The following CMC2 variants were observed in gnomAD, a reference collection of about 807,000 sequenced individuals.
The protein encoded by CMC2 is C-X9-C motif containing 2.
A neutral mutation model predicts 7.5 loss-of-function variants in CMC2; 5 were observed. That is an observed-to-expected ratio of 0.66 (90% CI 0.35 to 1.40). The LOEUF (loss-of-function observed/expected upper bound fraction) is 1.40, where lower values mean the gene tolerates loss of function less well. Ranked by LOEUF, CMC2 falls within the 40% of genes most tolerant of loss-of-function variation. The pLI, the probability that CMC2 is intolerant of heterozygous loss-of-function variation, is 0.04. For missense variants in CMC2, 115 were observed against 92.3 expected (o/e 1.25, Z -1.01); for synonymous variants, 37 against 31.4 (o/e 1.18, Z -0.60).
chr16:80,975,040 G>C lies in CMC2; in HGVS notation c.*1053C>G, dbSNP rs1272626164. ...GAGTCTGTTCCCTGACACCTGACAA[G>C]ATCAAGCCCCTGCTGTGACTGCAGC... On this transcript the variant is annotated 3_prime_UTR_variant, in exon 4 of 4. Coordinates refer to ENST00000219400, the MANE Select transcript of CMC2 (RefSeq NM_020188.5). 6.6e-6 allele frequency: 1 copy of C among 152,266 alleles called. No individual in the cohort carries two copies. Among genetic ancestry groups the C allele is most frequent in the African/African-American group, 2.4e-5 (1 of 41,450 alleles). The allele number at this position is 152,266 out of a possible 1,614,324, so 9.4% of individuals were successfully genotyped here. A position where few individuals can be genotyped will look rare whatever the true frequency, so the allele number is the denominator to read the frequency against.
intron 1 of CMC2, among the ~76,000 whole-genome samples, chr16:81,006,089 G>A (rs748001524): frequency 1.4e-4 from 21 of 152,230 alleles, no homozygotes; most frequent in South Asian, 1.0e-3. Flanking sequence ...ATGCCTTTGA[G>A]GTTTTAAATG....
intron 2 of CMC2, chr16:80,988,665 C>T: frequency 1.4e-6 from 1 of 690,902 alleles, no homozygotes; most frequent in Non-Finnish European, 2.6e-6. Context: ...AACATTAACA[C>T]TAGTATCTAA....
intron 1 of CMC2, among the ~76,000 whole-genome samples, chr16:80,999,719 G>A (rs564485804): frequency 6.6e-6 from 1 of 152,106 alleles, no homozygotes; most frequent in Non-Finnish European, 1.5e-5. Context: ...CACACACATG[G>A]ACCAATGGAA....
rs1912156750 is a variant in CMC2, at chr16:80,974,746, T to C, written c.*1347A>G. 6.6e-6 allele frequency: 1 copy of C among 152,218 alleles called. No individual in the cohort carries two copies. The highest frequency in any genetic ancestry group is 1.5e-5 in the Non-Finnish European group (1 of 68,040). The allele number at this position is 152,218 out of a possible 1,614,324, so 9.4% of individuals were successfully genotyped here. The stretch of plus-strand genomic sequence containing the variant: ...TAACTACAAGATTCTAAAGGCAAAA[T>C]GTCTCATTTCTGTATTTCTACTGCC... On this transcript the variant is annotated 3_prime_UTR_variant, in exon 4 of 4. Transcript: ENST00000219400.
rs1298907500 is a variant in CMC2 at position 80,974,806 on chromosome 16, T to A, written c.*1287A>T. On this transcript the variant is annotated 3_prime_UTR_variant, in exon 4 of 4. Coordinates refer to ENST00000219400, the MANE Select transcript of CMC2 (RefSeq NM_020188.5). The stretch of plus-strand genomic sequence containing the variant: ...GGGGACTGAATAAATATTCATACAC[T>A]TTGTCTTGGAAGGTACTTCAGAATT... 1.3e-5 allele frequency: 2 copies of A among 152,242 alleles called. No individual in the cohort carries two copies. Among genetic ancestry groups the A allele is most frequent in the Non-Finnish European group, 2.9e-5 (2 of 68,046 alleles). The allele number at this position is 152,242 out of a possible 1,614,324, so 9.4% of individuals were successfully genotyped here. A position where few individuals can be genotyped will look rare whatever the true frequency, so the allele number is the denominator to read the frequency against.
intron 2 of CMC2, among the ~76,000 whole-genome samples, chr16:80,995,643 T>G (rs941636331): frequency 2.8e-4 from 43 of 152,124 alleles, no homozygotes; most frequent in Admixed American, 1.2e-3. Flanking sequence ...GGTGACAGAG[T>G]GAGACTCCAT....
At chr16:81,002,156 G>A (rs558944913) in intron 1 of CMC2, among the ~76,000 whole-genome samples, 1 of 152,272 alleles carries the variant, frequency 6.6e-6, no homozygotes, top group South Asian at 2.1e-4. Flanking sequence ...CAGATGCGGT[G>A]GCTCACACCT....
intron 1 of CMC2, among the ~76,000 whole-genome samples, chr16:81,001,781 A>G (rs1259359722): frequency 6.6e-6 from 1 of 152,208 alleles, no homozygotes; most frequent in African/African-American, 2.4e-5. Flanking sequence ...TAGCATAGCT[A>G]CTATTTCAAT....
intron 2 of CMC2, chr16:80,992,066 C>T: frequency 2.6e-6 from 1 of 389,734 alleles, no homozygotes; most frequent in Non-Finnish European, 5.2e-6. Flanking sequence ...CTGTAACAAA[C>T]ACCTTATCAA....
chr16:81,005,740 G>C (rs1469235179), intron 1 of CMC2, among the ~76,000 whole-genome samples: 1 of 152,200 alleles, frequency 6.6e-6, no homozygotes, highest in Admixed American at 6.5e-5. Flanking sequence ...CTCAGAGAAT[G>C]CGCCCTCGCA....
chr16:80,974,814 G>C lies in CMC2; in HGVS notation c.*1279C>G, dbSNP rs1354901930. 2 of 152,166 alleles carry C rather than the reference G, an allele frequency of 1.3e-5. No individual in the cohort carries two copies. Among genetic ancestry groups the C allele is most frequent in the Non-Finnish European group, 2.9e-5 (2 of 68,038 alleles). 9.4% of individuals were successfully genotyped at this position (152,166 alleles called of 1,614,324 possible). ...AATAAATATTCATACACTTTGTCTT[G>C]GAAGGTACTTCAGAATTAATTCTGG... On this transcript the variant is annotated 3_prime_UTR_variant, in exon 4 of 4. Transcript: ENST00000219400.
intron 3 of CMC2, chr16:80,980,825 T>A: frequency 1.4e-6 from 1 of 700,136 alleles, no homozygotes; most frequent in Non-Finnish European, 2.6e-6. Context: ...AGTTTGAGGC[T>A]TCCGTGAGTT....
intron 1 of CMC2, among the ~76,000 whole-genome samples, chr16:81,004,353 GAAT>G (rs1372283403): frequency 6.6e-6 from 1 of 152,234 alleles, no homozygotes; most frequent in African/African-American, 2.4e-5. Flanking sequence ...TATTTGAATA[GAAT>G]AATATTTAAT....
intron 2 of CMC2, among the ~76,000 whole-genome samples, chr16:80,994,200 A>C (rs1324998918): frequency 6.6e-6 from 1 of 152,208 alleles, no homozygotes; most frequent in East Asian, 1.9e-4. Flanking sequence ...AATTAACTTG[A>C]AATCTCAGAT....
intron 2 of CMC2, among the ~76,000 whole-genome samples, chr16:80,982,162 G>C (rs1480769041): frequency 6.6e-6 from 1 of 152,014 alleles, no homozygotes; most frequent in East Asian, 1.9e-4. Context: ...CCATAGCCTA[G>C]AAATATCAAA....
chr16:80,985,981 G>GA (rs1345865645), intron 2 of CMC2, among the ~76,000 whole-genome samples: 1 of 148,484 alleles, frequency 6.7e-6, no homozygotes, highest in East Asian at 2.0e-4. Flanking sequence ...ACTCAAGGAT[G>GA]AGTTTCATTA....
rs976710417 is a variant in CMC2, at chr16:80,974,685, T to A, written c.*1408A>T. 5.9e-5 allele frequency: 9 copies of A among 152,248 alleles called. No homozygotes were observed. In the East Asian group the frequency reaches 1.5e-3, roughly 26 times the overall value. 9.4% of individuals were successfully genotyped at this position (152,248 alleles called of 1,614,324 possible). ...TGACATCTACCTAATCATGGCACTT[T>A]GATGATTACAGGTGACTAAAAGTCA... On this transcript the variant is annotated 3_prime_UTR_variant, in exon 4 of 4. Transcript: ENST00000219400.
Position 80,982,514 on chromosome 16 carries a change from GAAAAAAAAAAAA to G in CMC2, c.82-649_82-638del, listed in dbSNP as rs758135840. ...GCGACGGAGTGAAACTCCGTCTCAG[GAAAAAAAAAAAA>G]AAAAAAAAAAAAAGTGAATACTAGT... On this transcript the variant is annotated intron_variant, in intron 2 of 3. Transcript: ENST00000219400. 4.6e-3 allele frequency: 185 copies of G among 39,800 alleles called. 1 individual carries two copies. The highest frequency in any genetic ancestry group is 0.017 in the African/African-American group (178 of 10,264). The allele number at this position is 39,800 out of a possible 1,614,324, so 2.5% of individuals were successfully genotyped here.
At chr16:81,006,283 G>C (rs536950833) in intron 1 of CMC2, among the ~76,000 whole-genome samples, 137 of 152,310 alleles carry the variant, frequency 9.0e-4, no homozygotes, top group African/African-American at 3.1e-3. Flanking sequence ...GCTGAGACTT[G>C]CTTGAACGGC....
Sources: allele counts gnomAD v4.1 joint callset (sites outside exome capture counted in the v4.1 genomes callset), GRCh38; gene constraint gnomAD v4.1.1; transcripts MANE v1.5; gene names NCBI Gene and HGNC (gene_info 2026-07-23, HGNC 2026-07-21).